DSCAML1: variants seen among roughly 807,000 people sequenced by gnomAD.
DSCAML1 encodes the protein DS cell adhesion molecule like 1.
DSCAML1 carries 38 observed loss-of-function variants against 200.5 expected under a neutral mutation model. That is an observed-to-expected ratio of 0.19 (90% CI 0.15 to 0.25). The LOEUF (loss-of-function observed/expected upper bound fraction) is 0.25. Ranked by LOEUF, DSCAML1 falls within the 10% of genes least tolerant of loss-of-function variation. The pLI is 1.00. For synonymous variants in DSCAML1, 1,215 were observed against 1,165.0 expected, an observed-to-expected ratio of 1.04 and a Z score of -0.87; for missense variants, 2,223 against 2,858.8, an observed-to-expected ratio of 0.78 and a Z score of 5.07.
intron 3 of DSCAML1, among the ~76,000 whole-genome samples, chr11:117,622,150 A>G (rs1339704015): frequency 6.6e-6 from 1 of 152,098 alleles, no homozygotes; most frequent in Non-Finnish European, 1.5e-5. Flanking sequence ...GACTGATGAT[A>G]TTAATACCAG....
intron 3 of DSCAML1, among the ~76,000 whole-genome samples, chr11:117,572,009 G>A (rs1305042730): frequency 6.6e-6 from 1 of 152,196 alleles, no homozygotes; most frequent in Non-Finnish European, 1.5e-5. Flanking sequence ...CTAAAAAGGG[G>A]AGGCATGAAT....
chr11:117,678,327 T>A (rs1304779850), intron 3 of DSCAML1, among the ~76,000 whole-genome samples: 2 of 152,032 alleles, frequency 1.3e-5, no homozygotes, highest in East Asian at 3.9e-4. Context: ...TAGATGAGGG[T>A]TTGCAGTTTT....
intron 21 of DSCAML1, among the ~76,000 whole-genome samples, chr11:117,442,072 G>A (rs547491284): frequency 1.9e-4 from 29 of 151,366 alleles, no homozygotes; most frequent in African/African-American, 7.0e-4. Flanking sequence ...GCGCAGATGC[G>A]TGTTTGTGCA....
At position 117,453,746 on chromosome 11, in the gene DSCAML1, C is replaced by CTTTCTTTTTTTT. The variant is rs748920908; in HGVS notation, c.3569-3059_3569-3058insAAAAAAAAGAAA. Reference sequence around the variant, plus strand: ...TGTGGATTTCTTTCTTTCTTTCTTTCTTTTTTTTTTTTTTTTGAGATAGAG... The same window carrying CTTTCTTTTTTTT: ...TGTGGATTTCTTTCTTTCTTTCTTTCTTTCTTTTTTTTTTTTTTTTTTTTTTTTGAGATAGAG... On this transcript the variant is annotated intron_variant, in intron 19 of 32. Coordinates refer to ENST00000651296, the MANE Select transcript of DSCAML1 (RefSeq NM_020693.4). Among the ~76,000 whole-genome samples the CTTTCTTTTTTTT allele has an allele frequency of 1.4e-3, 193 of 138,152 alleles. 1 individual carries two copies. The highest frequency in any genetic ancestry group is 5.2e-3 in the African/African-American group (182 of 35,202). The allele number at this position is 138,152 out of a possible 152,430, so 90.6% of individuals were successfully genotyped here.
chr11:117,605,208 G>C (rs535752204), intron 3 of DSCAML1, among the ~76,000 whole-genome samples: 1 of 152,106 alleles, frequency 6.6e-6, no homozygotes, highest in East Asian at 1.9e-4. Context: ...CCGGGTTTTA[G>C]ATCAGCACCA....
chr11:117,457,075 C>G (rs1187116874), intron 19 of DSCAML1, among the ~76,000 whole-genome samples: 1 of 152,202 alleles, frequency 6.6e-6, no homozygotes, highest in Non-Finnish European at 1.5e-5. Context: ...TGATGAGGTA[C>G]CACTCTCCCC....
chr11:117,557,397 T>C (rs1459179991), intron 3 of DSCAML1, among the ~76,000 whole-genome samples: 3 of 152,092 alleles, frequency 2.0e-5, no homozygotes, highest in Admixed American at 2.0e-4. Flanking sequence ...TTGAAGAGCA[T>C]GGAGTTTCCC....
In DSCAML1 at chr11:117,520,626, T is replaced by TA. The variant is rs565011943; in HGVS notation, c.1213+503dup. Among the ~76,000 whole-genome samples the TA allele has an allele frequency of 1.5e-3, 210 of 140,972 alleles. 2 individuals are homozygous for TA. The highest frequency in any genetic ancestry group is 0.012 in the South Asian group (55 of 4,406). The allele number at this position is 140,972 out of a possible 152,430, so 92.5% of individuals were successfully genotyped here. ...TCAACAGCAAAATGGGTAACATCAT[T>TA]AAAAAAAAAAAAGTAAAGGCCTCAG... On this transcript the variant is annotated intron_variant, in intron 6 of 32. Coordinates refer to ENST00000651296, the MANE Select transcript of DSCAML1 (RefSeq NM_020693.4).
chr11:117,816,798 T>TGGGGG (rs1024946477), intron 1 of DSCAML1, among the ~76,000 whole-genome samples: 92 of 99,362 alleles, frequency 9.3e-4, no homozygotes, highest in South Asian at 3.1e-3. Flanking sequence ...TCGGAATTGC[T>TGGGGG]GGGGGGGTGG....
chr11:117,493,300 C>T (rs970684360), intron 11 of DSCAML1, among the ~76,000 whole-genome samples: 5 of 151,024 alleles, frequency 3.3e-5, no homozygotes, highest in African/African-American at 1.2e-4. Context: ...ACCCAGTTTT[C>T]CCCCTGCCTC....
At chr11:117,686,633 C>T (rs1038082437) in intron 3 of DSCAML1, among the ~76,000 whole-genome samples, 8 of 152,186 alleles carry the variant, frequency 5.3e-5, no homozygotes, top group South Asian at 4.1e-4. Context: ...TAAATGACTA[C>T]GGCACCTTCA....
chr11:117,443,346 T>C (rs1350462427), intron 21 of DSCAML1, among the ~76,000 whole-genome samples: 2 of 152,210 alleles, frequency 1.3e-5, no homozygotes, highest in African/African-American at 2.4e-5. Flanking sequence ...CGGTCAGAGA[T>C]TCAGTGGGGC....
intron 1 of DSCAML1, among the ~76,000 whole-genome samples, chr11:117,811,216 C>A (rs1299155426): frequency 6.6e-6 from 1 of 152,152 alleles, no homozygotes; most frequent in African/African-American, 2.4e-5. Flanking sequence ...ATATAAAACC[C>A]CAGCCGAGTT....
intron 3 of DSCAML1, among the ~76,000 whole-genome samples, chr11:117,634,929 T>C (rs1164473428): frequency 1.3e-5 from 2 of 152,156 alleles, no homozygotes; most frequent in East Asian, 3.9e-4. Context: ...TGACATCAGA[T>C]CTTGTCTCTG....
chr11:117,650,243 G>A (rs966128344), intron 3 of DSCAML1, among the ~76,000 whole-genome samples: 1 of 152,208 alleles, frequency 6.6e-6, no homozygotes, highest in African/African-American at 2.4e-5. Context: ...ATTCTGAGGT[G>A]CTGCCAGGTT....
chr11:117,502,701 C>T (rs1270268463), intron 11 of DSCAML1, among the ~76,000 whole-genome samples: 2 of 152,320 alleles, frequency 1.3e-5, no homozygotes, highest in African/African-American at 4.8e-5. Context: ...CCCACCTGCA[C>T]CCTGGAGGGA....
intron 3 of DSCAML1, among the ~76,000 whole-genome samples, chr11:117,564,895 A>G (rs780589335): frequency 6.6e-5 from 10 of 151,994 alleles, no homozygotes; most frequent in Non-Finnish European, 1.0e-4. Flanking sequence ...CCTCCCAAGT[A>G]GCTGAGATTA....
chr11:117,555,851 GA>G (rs2050549494), intron 3 of DSCAML1, among the ~76,000 whole-genome samples: 1 of 150,894 alleles, frequency 6.6e-6, no homozygotes, highest in Admixed American at 6.6e-5. Flanking sequence ...CTGATTCATG[GA>G]AAGCCCTCTC....
At chr11:117,781,605 A>T (rs565415465) in intron 1 of DSCAML1, among the ~76,000 whole-genome samples, 5 of 152,290 alleles carry the variant, frequency 3.3e-5, no homozygotes, top group Admixed American at 2.6e-4. Context: ...GGACCAGCAG[A>T]AGAGTGGGTG....
Sources: allele counts gnomAD v4.1 joint callset (sites outside exome capture counted in the v4.1 genomes callset), GRCh38; gene constraint gnomAD v4.1.1; transcripts MANE v1.5; gene names NCBI Gene and HGNC (gene_info 2026-07-23, HGNC 2026-07-21).